PLCB1: variants seen among roughly 807,000 people sequenced by gnomAD.
PLCB1 encodes phospholipase C beta 1, also known as 1-phosphatidylinositol 4,5-bisphosphate phosphodiesterase beta-1.
Under a neutral mutation model 161.8 loss-of-function variants are expected in PLCB1, and 46 were observed. That is an observed-to-expected ratio of 0.28 (90% CI 0.22 to 0.36). The LOEUF is 0.36. Among genes scored for constraint, PLCB1 ranks in the 10% least tolerant of loss-of-function variants. PLCB1 has a pLI of 1.00. For synonymous variants in PLCB1, 517 were observed against 503.7 expected, an observed-to-expected ratio of 1.03 and a Z score of -0.35; for missense variants, 1,016 against 1,472.5, an observed-to-expected ratio of 0.69 and a Z score of 5.07.
chr20:8,851,712 GT>G (rs11479187), intron 31 of PLCB1, among the ~76,000 whole-genome samples: 111,766 of 142,922 alleles, frequency 0.78, 43,769 homozygotes, highest in East Asian at 0.85. Context: ...TCTTTTTTTG[GT>G]TTTTTTTTTT....
intron 31 of PLCB1, among the ~76,000 whole-genome samples, chr20:8,847,039 C>G (rs1406770089): frequency 3.9e-5 from 6 of 152,088 alleles, no homozygotes; most frequent in Non-Finnish European, 7.4e-5. Flanking sequence ...GGTCTCAGCC[C>G]CAAAGATCTT....
At chr20:8,510,622 C>G (rs1983845733) in intron 3 of PLCB1, among the ~76,000 whole-genome samples, 1 of 152,020 alleles carries the variant, frequency 6.6e-6, no homozygotes, top group South Asian at 2.1e-4. Context: ...AACCCCTGAC[C>G]ACAGGTGATC....
intron 2 of PLCB1, among the ~76,000 whole-genome samples, chr20:8,251,612 A>G (rs897532671): frequency 2.0e-5 from 3 of 151,924 alleles, no homozygotes; most frequent in Non-Finnish European, 2.9e-5. Flanking sequence ...AAGAAACTGT[A>G]TATGCTGTTC....
At chr20:8,809,932 C>T (rs1984730614) in intron 31 of PLCB1, among the ~76,000 whole-genome samples, 1 of 152,292 alleles carries the variant, frequency 6.6e-6, no homozygotes, top group East Asian at 1.9e-4. Context: ...TGTAACGTAA[C>T]ATACCTCCTG....
At chr20:8,640,439 T>C (rs1051714720) in intron 4 of PLCB1, among the ~76,000 whole-genome samples, 2 of 152,214 alleles carry the variant, frequency 1.3e-5, no homozygotes, top group African/African-American at 2.4e-5. Flanking sequence ...TCAATTATAA[T>C]TACAGACCCC....
chr20:8,675,523 C>T (rs1279985832), intron 9 of PLCB1, among the ~76,000 whole-genome samples: 1 of 152,128 alleles, frequency 6.6e-6, no homozygotes, highest in Non-Finnish European at 1.5e-5. Context: ...CTGCTCTTCC[C>T]ATCTGATTCA....
At chr20:8,309,016 G>A (rs1555797162) in intron 2 of PLCB1, among the ~76,000 whole-genome samples, 1 of 150,980 alleles carries the variant, frequency 6.6e-6, no homozygotes, top group Non-Finnish European at 1.5e-5. Flanking sequence ...ATTATTGGGG[G>A]AAAAAAAACA....
chr20:8,181,701 G>C (rs1241012820), intron 2 of PLCB1, among the ~76,000 whole-genome samples: 1 of 152,094 alleles, frequency 6.6e-6, no homozygotes, highest in Non-Finnish European at 1.5e-5. Flanking sequence ...CTGGCTGTTC[G>C]TGGTGGCTCA....
rs142083540 is a variant in PLCB1, at chr20:8,733,377, C to T, written c.2028C>T (p.Asn676=). 14 of 1,613,850 alleles carry T rather than the reference C, an allele frequency of 8.7e-6. No homozygotes were observed. In the African/African-American group the frequency reaches 1.9e-4, roughly 22 times the overall value. The stretch of plus-strand genomic sequence containing the variant: ...GCATCGTAGATGGGATAGTGGCAAA[C>T]ACTTTGTCTGTTAAGGTAGGTATAC... The part of the protein sequence containing the change: ...TEGIVDGIVA[N]TLSVKIISGQ... Residue 676 remains asparagine, a synonymous_variant, in exon 19 of 32, where the codon AAC becomes AAT. Transcript: ENST00000338037.
intron 3 of PLCB1, among the ~76,000 whole-genome samples, chr20:8,504,252 A>G (rs1983539274): frequency 6.6e-6 from 1 of 152,130 alleles, no homozygotes; most frequent in Admixed American, 6.6e-5. Context: ...TGGCAGAAGG[A>G]AAAAGCATAT....
intron 2 of PLCB1, among the ~76,000 whole-genome samples, chr20:8,153,075 T>C (rs1024848509): frequency 1.3e-5 from 2 of 152,006 alleles, no homozygotes; most frequent in African/African-American, 4.8e-5. Context: ...ACAGAAATGA[T>C]AGGTGACAAA....
chr20:8,175,816 A>C (rs954291337), intron 2 of PLCB1, among the ~76,000 whole-genome samples: 19 of 152,226 alleles, frequency 1.2e-4, no homozygotes, highest in South Asian at 2.1e-4. Flanking sequence ...AGGAAAAAAA[A>C]CAAAAAACAA....
At chr20:8,594,161 G>A (rs1004789939) in intron 3 of PLCB1, among the ~76,000 whole-genome samples, 7 of 152,044 alleles carry the variant, frequency 4.6e-5, no homozygotes, top group Admixed American at 3.3e-4. Context: ...TCAACCTCCC[G>A]AAGTGCTAGG....
At chr20:8,555,671 G>A (rs552865781) in intron 3 of PLCB1, among the ~76,000 whole-genome samples, 10 of 152,188 alleles carry the variant, frequency 6.6e-5, no homozygotes, top group East Asian at 5.8e-4. Context: ...TTGTGTTAAT[G>A]ATAAGGTAAA....
intron 3 of PLCB1, among the ~76,000 whole-genome samples, chr20:8,416,279 C>T (rs1338621196): frequency 6.6e-6 from 1 of 151,998 alleles, no homozygotes; most frequent in Non-Finnish European, 1.5e-5. Context: ...TTATCTGAAG[C>T]GTGATGTAAA....
chr20:8,747,230 A>G (rs1337559410), intron 23 of PLCB1, among the ~76,000 whole-genome samples: 2 of 152,218 alleles, frequency 1.3e-5, no homozygotes, highest in African/African-American at 2.4e-5. Flanking sequence ...TTCTTCAGAA[A>G]GTTAGGTTTA....
intron 3 of PLCB1, among the ~76,000 whole-genome samples, chr20:8,477,745 G>T (rs34666560): frequency 4.6e-5 from 7 of 152,100 alleles, no homozygotes; most frequent in East Asian, 1.9e-4. Context: ...ACCAGCTCTC[G>T]CATGAACTAA....
chr20:8,778,282 A>T (rs1456929609), intron 27 of PLCB1, among the ~76,000 whole-genome samples: 1 of 152,094 alleles, frequency 6.6e-6, no homozygotes, highest in Non-Finnish European at 1.5e-5. Flanking sequence ...CCTCTTGGGG[A>T]GATTTGAGCT....
intron 3 of PLCB1, among the ~76,000 whole-genome samples, chr20:8,464,583 T>C (rs578141754): frequency 2.5e-4 from 38 of 152,276 alleles, no homozygotes; most frequent in African/African-American, 7.7e-4. Context: ...CAAGCAGGCA[T>C]AGGCCAAGGT....
Sources: gnomAD v4.1 joint callset for allele counts (sites outside exome capture counted in the v4.1 genomes callset) on GRCh38, gnomAD v4.1.1 for gene constraint, MANE v1.5 for transcripts, NCBI Gene and HGNC (gene_info 2026-07-23, HGNC 2026-07-21) for gene names.